The following EIPR1 variants were observed in gnomAD, a reference collection of about 807,000 sequenced individuals.
The protein encoded by EIPR1 is EARP complex and GARP complex interacting protein 1, also known as EARP and GARP complex-interacting protein 1.
A neutral mutation model predicts 48.1 loss-of-function variants in EIPR1; 25 were observed. The observed-to-expected ratio is 0.52, with a 90% CI of 0.38 to 0.73. The LOEUF (loss-of-function observed/expected upper bound fraction) is 0.73. Ranked by LOEUF, EIPR1 falls within the 30% of genes least tolerant of loss-of-function variation. The pLI is 0.00. For missense variants in EIPR1, 415 were observed against 506.2 expected, an observed-to-expected ratio of 0.82 and a Z score of 1.73; for synonymous variants, 204 against 201.9, an observed-to-expected ratio of 1.01 and a Z score of -0.09.
At chr2:3,325,910 G>T (rs953725494) in intron 3 of EIPR1, among the ~76,000 whole-genome samples, 3 of 152,266 alleles carry the variant, frequency 2.0e-5, no homozygotes, top group Non-Finnish European at 4.4e-5. Flanking sequence ...GCTGTGCCCT[G>T]CTTAAGAAGC....
At chr2:3,368,923 T>A (rs1671040323) in intron 1 of EIPR1, among the ~76,000 whole-genome samples, 1 of 152,228 alleles carries the variant, frequency 6.6e-6, no homozygotes, top group Admixed American at 6.5e-5. Flanking sequence ...GTTGCAGTAC[T>A]GCCCTTTATC....
In EIPR1 at chr2:3,286,483, CGA is replaced by C. The variant is rs1226545069; in HGVS notation, c.260-29030_260-29029del. 2.6e-5 allele frequency among the ~76,000 whole-genome samples: 4 copies of C among 152,160 alleles called. No homozygotes were observed. The highest frequency in any genetic ancestry group is 5.9e-5 in the Non-Finnish European group (4 of 68,022). On this transcript the variant is annotated intron_variant, in intron 3 of 8. Transcript: ENST00000382125. This position sits in a 1 kb window ranked among gnomAD's most constrained non-coding sequence, Gnocchi z 4.2. The stretch of plus-strand genomic sequence containing the variant: ...GCATGTCCTGGGCACATGGGAAGAC[CGA>C]GAGGTGAGGGACACTTGGTGTCCGT...
intron 3 of EIPR1, among the ~76,000 whole-genome samples, chr2:3,261,524 C>T (rs1353953786): frequency 6.6e-6 from 1 of 152,118 alleles, no homozygotes; most frequent in Non-Finnish European, 1.5e-5. Context: ...TAGTCTGTAC[C>T]CAAAGGGACC....
chr2:3,241,987 G>A (rs1666643630), intron 4 of EIPR1, among the ~76,000 whole-genome samples: 1 of 152,118 alleles, frequency 6.6e-6, no homozygotes, highest in Non-Finnish European at 1.5e-5. Context: ...ACACAAAATC[G>A]ACTACATTCG....
chr2:3,196,779 G>A (rs1347094852), intron 6 of EIPR1, 102 bp downstream of exon 6: 7 of 1,447,200 alleles, frequency 4.8e-6, no homozygotes, highest in Admixed American at 5.1e-5. Flanking sequence ...CAAACCATGC[G>A]CCCCCAAAGG....
intron 4 of EIPR1, among the ~76,000 whole-genome samples, chr2:3,254,465 C>A (rs569921993): frequency 1.3e-5 from 2 of 152,188 alleles, no homozygotes. Context: ...AACCGTGGTG[C>A]GTCATGCCAT....
Position 3,196,919 on chromosome 2 carries a change from G to A in EIPR1, c.615C>T (p.Asn205=), listed in dbSNP as rs531262238. 3.7e-5 allele frequency: 59 copies of A among 1,613,900 alleles called. No homozygotes were observed. Among genetic ancestry groups the A allele is most frequent in the South Asian group, 3.4e-4 (31 of 91,066 alleles). Residue 205 remains asparagine, a synonymous_variant, in exon 6 of 9, where the codon AAC becomes AAT. Transcript: ENST00000382125. ...HHNCTQVATA[N]DTTLRGWDTR... is the part of the protein sequence containing the mutation. ...TGTCCCAGCCACGGAGGGTGGTGTC[G>A]TTCGCTGTGGCCACCTGGGTGCAGT...
At chr2:3,254,555 C>G (rs1034351962) in intron 4 of EIPR1, among the ~76,000 whole-genome samples, 3 of 152,196 alleles carry the variant, frequency 2.0e-5, no homozygotes, top group Non-Finnish European at 4.4e-5. Context: ...GAAAATGAAG[C>G]AGCAACTCAA....
chr2:3,367,797 C>T (rs1671011693), intron 1 of EIPR1, among the ~76,000 whole-genome samples: 1 of 152,088 alleles, frequency 6.6e-6, no homozygotes, highest in African/African-American at 2.4e-5. Context: ...ACCTGTAATC[C>T]CAGCACTTTG....
chr2:3,228,159 G>A (rs368346395), intron 4 of EIPR1, among the ~76,000 whole-genome samples: 22 of 152,364 alleles, frequency 1.4e-4, no homozygotes, highest in African/African-American at 4.8e-4. Flanking sequence ...ACTCAATGCC[G>A]GCCCATGAAA....
chr2:3,276,536 G>GCCA, intron 3 of EIPR1, among the ~76,000 whole-genome samples: 1 of 152,194 alleles, frequency 6.6e-6, no homozygotes, highest in Non-Finnish European at 1.5e-5. Context: ...GCACCCTTGG[G>GCCA]CCACCACACA....
At chr2:3,243,503 C>T (rs113923050) in intron 4 of EIPR1, among the ~76,000 whole-genome samples, 43,565 of 151,868 alleles carry the variant, frequency 0.29, 7,038 homozygotes, top group Non-Finnish European at 0.38. Context: ...TGATGGCCCA[C>T]GCCTGTAGTC....
chr2:3,209,720 G>T (rs765081758), intron 5 of EIPR1, among the ~76,000 whole-genome samples: 16 of 152,158 alleles, frequency 1.1e-4, no homozygotes, highest in Admixed American at 2.6e-4. Context: ...GCCATGAAAA[G>T]ACCTGGAGAA....
intron 3 of EIPR1, among the ~76,000 whole-genome samples, chr2:3,321,429 C>A (rs924892580): frequency 4.6e-5 from 7 of 152,176 alleles, no homozygotes; most frequent in Non-Finnish European, 8.8e-5. Flanking sequence ...AGGCACTTGA[C>A]GATGAGGCTG....
At chr2:3,338,402 C>T (rs961125875) in intron 2 of EIPR1, among the ~76,000 whole-genome samples, 2 of 152,194 alleles carry the variant, frequency 1.3e-5, no homozygotes, top group African/African-American at 4.8e-5. Context: ...CCGGTCATAT[C>T]CAGTCTTAAA....
In EIPR1 at chr2:3,321,101, C is replaced by T. The variant is rs184823357; in HGVS notation, c.259+16916G>A. 1.9e-4 allele frequency among the ~76,000 whole-genome samples: 29 copies of T among 152,290 alleles called. 1 individual carries two copies. The East Asian group carries it at 4.8e-3, about 25-fold the overall frequency. ...TGAAGCATGCTGCTGAGGGGAACGA[C>T]ACCACGCAGCCTCCCGGCCCAGGGA... On this transcript the variant is annotated intron_variant, in intron 3 of 8. Coordinates refer to ENST00000382125, the MANE Select transcript of EIPR1 (RefSeq NM_003310.5).
At chr2:3,323,867 AG>A (rs984732298) in intron 3 of EIPR1, among the ~76,000 whole-genome samples, 1 of 152,224 alleles carries the variant, frequency 6.6e-6, no homozygotes, top group African/African-American at 2.4e-5. Flanking sequence ...TGCGTGGCAC[AG>A]GCAGCACTGG....
chr2:3,305,093 CA>C (rs1318714640), intron 3 of EIPR1, among the ~76,000 whole-genome samples: 9 of 143,090 alleles, frequency 6.3e-5, no homozygotes, highest in African/African-American at 2.2e-4. Context: ...CCTCCACTCC[CA>C]ACCAGTTCAG....
intron 3 of EIPR1, among the ~76,000 whole-genome samples, chr2:3,268,433 T>G (rs1318590514): frequency 1.3e-5 from 2 of 152,214 alleles, no homozygotes; most frequent in East Asian, 3.9e-4. Context: ...CAGCCACCTC[T>G]GCTGCACAGT....
Sources: allele counts gnomAD v4.1 joint callset (sites outside exome capture counted in the v4.1 genomes callset), GRCh38; gene constraint gnomAD v4.1.1; non-coding constraint Gnocchi (gnomAD v3.1); transcripts MANE v1.5; gene names NCBI Gene and HGNC (gene_info 2026-07-23, HGNC 2026-07-21).